LYZL4: variants seen among roughly 807,000 people sequenced by gnomAD.
The protein encoded by LYZL4 is lysozyme like 4.
Under a neutral mutation model 17.6 loss-of-function variants are expected in LYZL4, and 13 were observed. That is an observed-to-expected ratio of 0.74 (90% CI 0.48 to 1.18). The LOEUF is 1.18. Among genes scored for constraint, LYZL4 ranks in the 50% most tolerant of loss-of-function variants. LYZL4 has a pLI of 0.00. For missense variants in LYZL4, 174 were observed against 188.2 expected (o/e 0.92, Z 0.44); for synonymous variants, 64 against 67.7 (o/e 0.95, Z 0.27).
the LYZL4 span, among the ~76,000 whole-genome samples, chr3:42,386,616 T>C: frequency 2.6e-5 from 4 of 152,260 alleles, no homozygotes; most frequent in East Asian, 7.7e-4. Flanking sequence ...AAGGATGAAG[T>C]TGGTTTTCAG....
At chr3:42,378,295 T>C in the LYZL4 span, among the ~76,000 whole-genome samples, 31 of 152,342 alleles carry the variant, frequency 2.0e-4, no homozygotes, top group Middle Eastern at 3.4e-3. Context: ...ATGTGGCCTC[T>C]GAAATTTAGC....
At chr3:42,368,240 T>C in the LYZL4 span, among the ~76,000 whole-genome samples, 3 of 152,250 alleles carry the variant, frequency 2.0e-5, no homozygotes, top group Admixed American at 6.5e-5. Context: ...AATGGAAATA[T>C]AGTAATAGCT....
At chr3:42,379,768 C>A in the LYZL4 span, among the ~76,000 whole-genome samples, 1 of 152,172 alleles carries the variant, frequency 6.6e-6, no homozygotes, top group East Asian at 1.9e-4. Context: ...TGGACTGAAT[C>A]TTTGTGCCCT....
the LYZL4 span, among the ~76,000 whole-genome samples, chr3:42,365,559 C>A: frequency 6.6e-6 from 1 of 152,144 alleles, no homozygotes; most frequent in Admixed American, 6.6e-5. Flanking sequence ...GCAAGGTCAA[C>A]CATGTGAGAA....
At chr3:42,400,777 G>T (rs550560944) in intron 4 of LYZL4, among the ~76,000 whole-genome samples, 1 of 152,302 alleles carries the variant, frequency 6.6e-6, no homozygotes, top group Admixed American at 6.5e-5. Flanking sequence ...TAAAATGTGG[G>T]ACGGGGGGAG....
the LYZL4 span, among the ~76,000 whole-genome samples, chr3:42,379,494 G>A: frequency 6.6e-6 from 1 of 152,192 alleles, no homozygotes; most frequent in Non-Finnish European, 1.5e-5. Context: ...ATCAAAGAAT[G>A]TGGCCAGCCA....
intron 4 of LYZL4, among the ~76,000 whole-genome samples, chr3:42,400,302 C>T (rs1698633143): frequency 6.6e-6 from 1 of 152,170 alleles, no homozygotes; most frequent in South Asian, 2.1e-4. Flanking sequence ...TCTACATAAC[C>T]ACAGCACAGG....
chr3:42,377,637 G>A, the LYZL4 span, among the ~76,000 whole-genome samples: 3 of 150,728 alleles, frequency 2.0e-5, no homozygotes, highest in Middle Eastern at 3.4e-3. Flanking sequence ...GTGTGTGTGT[G>A]TGTGTGTGTG....
At chr3:42,393,589 G>A (rs1698516570), downstream of LYZL4, among the ~76,000 whole-genome samples, 1 of 152,198 alleles carries the variant, frequency 6.6e-6, no homozygotes, top group South Asian at 2.1e-4. Context: ...AAGTGGCAGA[G>A]CCAGGAACGA....
chr3:42,404,226 G>C, intron 3 of LYZL4, 102 bp from the exon 4 acceptor site: 2 of 634,200 alleles, frequency 3.2e-6, no homozygotes, highest in South Asian at 4.9e-5. Context: ...GAGTCTTCCA[G>C]TGAATTCCAA....
chr3:42,387,047 T>G, the LYZL4 span, among the ~76,000 whole-genome samples: 1 of 152,208 alleles, frequency 6.6e-6, no homozygotes, highest in Admixed American at 6.5e-5. Context: ...CCTCAAGGCT[T>G]AATATTACTC....
chr3:42,383,334 G>A, the LYZL4 span, among the ~76,000 whole-genome samples: 15 of 151,304 alleles, frequency 9.9e-5, no homozygotes, highest in East Asian at 2.7e-3. Context: ...GGAGGGCAGA[G>A]TGAAAGACCT....
At chr3:42,405,906 G>A (rs918611231) in intron 3 of LYZL4, among the ~76,000 whole-genome samples, 7 of 152,106 alleles carry the variant, frequency 4.6e-5, no homozygotes, top group Admixed American at 4.6e-4. Flanking sequence ...TTAATTAGAT[G>A]AATACTTATA....
downstream of LYZL4, among the ~76,000 whole-genome samples, chr3:42,395,475 G>C (rs890477384): frequency 1.1e-4 from 16 of 152,148 alleles, no homozygotes; most frequent in Admixed American, 7.9e-4. Context: ...TTTAGTAGTA[G>C]TCCATGTCTG....
chr3:42,404,086 C>A lies in LYZL4; in HGVS notation c.331G>T (p.Ala111Ser). ...TCTTTTCCTTTTACAATGGTCTTGG[C>A]ACATTTAATTGTCTTCTCTAAATTA... Reference protein sequence around the residue: ...NPNLEKTIKCAKTIVKGKEGM... With the variant: ...NPNLEKTIKCSKTIVKGKEGM... Residue 111 changes from alanine to serine, a missense_variant, in exon 4 of 5, where the codon GCC becomes TCC. Physicochemically the swap from Ala to Ser is moderately conservative, Grantham distance 99 (BLOSUM62 1). Coordinates refer to ENST00000287748, the MANE Select transcript of LYZL4 (RefSeq NM_144634.4). The A allele has an allele frequency of 1.2e-6, 2 of 1,612,902 alleles. No individual in the cohort carries two copies. The highest frequency in any genetic ancestry group is 1.1e-5 in the South Asian group (1 of 91,018).
the LYZL4 span, among the ~76,000 whole-genome samples, chr3:42,366,487 T>C: frequency 6.6e-6 from 1 of 152,198 alleles, no homozygotes; most frequent in African/African-American, 2.4e-5. Context: ...CTTGATTTGC[T>C]CAAGCTGTTC....
chr3:42,394,986 A>T (rs1559452680), downstream of LYZL4, among the ~76,000 whole-genome samples: 1 of 152,226 alleles, frequency 6.6e-6, no homozygotes, highest in Non-Finnish European at 1.5e-5. Flanking sequence ...TCAATAAAAA[A>T]GTTGATCAAA....
At chr3:42,382,625 G>A in the LYZL4 span, among the ~76,000 whole-genome samples, 10 of 151,856 alleles carry the variant, frequency 6.6e-5, no homozygotes, top group Non-Finnish European at 1.3e-4. Context: ...ATCAGGAAAT[G>A]GAGATGACCA....
At chr3:42,408,568 C>T (rs1489899634) in intron 1 of LYZL4, among the ~76,000 whole-genome samples, 1 of 152,196 alleles carries the variant, frequency 6.6e-6, no homozygotes, top group Admixed American at 6.5e-5. Context: ...CCATGACACA[C>T]TGCAGATGAT....
Sources: gnomAD v4.1 joint callset for allele counts (sites outside exome capture counted in the v4.1 genomes callset) on GRCh38, gnomAD v4.1.1 for gene constraint, MANE v1.5 for transcripts, NCBI Gene and HGNC (gene_info 2026-07-23, HGNC 2026-07-21) for gene names.